SYNE2: variants seen among roughly 807,000 people sequenced by gnomAD.
SYNE2 encodes spectrin repeat containing nuclear envelope protein 2.
In SYNE2, 431 loss-of-function variants were observed where a neutral mutation model predicts 856.3. That is an observed-to-expected ratio of 0.50 (90% CI 0.47 to 0.55). The LOEUF (loss-of-function observed/expected upper bound fraction) is 0.55, where lower values mean the gene tolerates loss of function less well. SYNE2 is among the 20% of genes least tolerant of loss of function. SYNE2 has a pLI of 0.00. For synonymous variants in SYNE2, 2,923 were observed against 2,872.3 expected, an observed-to-expected ratio of 1.02 and a Z score of -0.56; for missense variants, 8,129 against 8,023.2, an observed-to-expected ratio of 1.01 and a Z score of -0.50.
Position 64,164,868 on chromosome 14 carries a change from G to GT in SYNE2, c.16480-408dup, listed in dbSNP as rs939471979. On this transcript the variant is annotated intron_variant, in intron 89 of 115. Transcript: ENST00000555002. ...TTGAATTTACTTTTTTTTATTTTTT[G>GT]TTTTTTTTTGTTTGTTTGTTTGTTT... is the stretch of plus-strand genomic sequence containing the variant. Among the ~76,000 whole-genome samples the GT allele has an allele frequency of 4.9e-4, 73 of 150,414 alleles. No individual in the cohort carries two copies. The Middle Eastern group carries it at 0.01, about 21-fold the overall frequency.
chr14:64,194,806 G>T (rs2098533724), intron 99 of SYNE2, among the ~76,000 whole-genome samples: 1 of 152,180 alleles, frequency 6.6e-6, no homozygotes, highest in South Asian at 2.1e-4. Flanking sequence ...AGCCAGCACG[G>T]GCCAAAGCTC....
chr14:64,116,000 T>A lies in SYNE2; in HGVS notation c.12840+2429T>A, dbSNP rs575284379. ...TACACCTTGTCTCTACAAAATAATT[T>A]AAAAAAAAATTAAAAAATAAACTAG... is the stretch of plus-strand genomic sequence containing the variant. On this transcript the variant is annotated intron_variant, in intron 66 of 115. Transcript: ENST00000555002. Among the ~76,000 whole-genome samples, 7 of 151,578 alleles carry A rather than the reference T, an allele frequency of 4.6e-5. No individual in the cohort carries two copies. In the South Asian group the frequency reaches 8.4e-4, roughly 18 times the overall value.
At chr14:64,145,250 A>G (rs1181829336) in intron 83 of SYNE2, among the ~76,000 whole-genome samples, 1 of 151,574 alleles carries the variant, frequency 6.6e-6, no homozygotes, top group African/African-American at 2.4e-5. Flanking sequence ...AAATTATGTC[A>G]TGACAGGCTG....
intron 1 of SYNE2, among the ~76,000 whole-genome samples, chr14:63,882,453 C>T (rs566400682): frequency 1.3e-5 from 2 of 152,010 alleles, no homozygotes; most frequent in South Asian, 2.1e-4. Flanking sequence ...CGGTGGCTCA[C>T]ACCAGTAATC....
At chr14:63,941,520 T>A (rs925877691) in intron 3 of SYNE2, among the ~76,000 whole-genome samples, 175 bp from the exon 4 acceptor site, 1 of 152,214 alleles carries the variant, frequency 6.6e-6, no homozygotes, top group African/African-American at 2.4e-5. Flanking sequence ...TAAATTAAAT[T>A]CGCTACTTTT....
chr14:63,970,639 CTTTTCTTTTTTCTTTTTTT>C, intron 11 of SYNE2, among the ~76,000 whole-genome samples: 1 of 134,324 alleles, frequency 7.4e-6, no homozygotes, highest in South Asian at 2.4e-4. Context: ...TGTCTTTTTT[CTTTTCTTTTTTCTTTTTTT>C]TTTTTTTTTT....
At chr14:63,920,165 C>G (rs1476513560) in intron 2 of SYNE2, among the ~76,000 whole-genome samples, 2 of 151,876 alleles carry the variant, frequency 1.3e-5, no homozygotes, top group Admixed American at 1.3e-4. Flanking sequence ...ACATCCTCTT[C>G]TAAAATGTAT....
chr14:64,198,298 C>T (rs1459904780), intron 99 of SYNE2, among the ~76,000 whole-genome samples: 1 of 152,154 alleles, frequency 6.6e-6, no homozygotes, highest in Non-Finnish European at 1.5e-5. Flanking sequence ...TTCTCATTTC[C>T]AGATATTAAC....
intron 1 of SYNE2, among the ~76,000 whole-genome samples, chr14:63,881,283 G>C (rs2094858135): frequency 6.6e-6 from 1 of 152,030 alleles, no homozygotes; most frequent in Non-Finnish European, 1.5e-5. Flanking sequence ...CCAGCCAAAG[G>C]AAACTTTTAT....
intron 1 of SYNE2, among the ~76,000 whole-genome samples, chr14:63,888,426 T>C (rs780507797): frequency 6.6e-6 from 1 of 152,190 alleles, no homozygotes; most frequent in Non-Finnish European, 1.5e-5. Context: ...CTTGGTTATA[T>C]TCTAGCCTGG....
At chr14:63,852,791 C>G (rs1480139937), upstream of SYNE2, among the ~76,000 whole-genome samples, 1 of 152,110 alleles carries the variant, frequency 6.6e-6, no homozygotes, top group Non-Finnish European at 1.5e-5. Flanking sequence ...GCGAGGTGGT[C>G]TCTCCCTCAC....
chr14:64,076,155 G>T, intron 54 of SYNE2, 55 bp downstream of exon 54: 1 of 1,572,674 alleles, frequency 6.4e-7, no homozygotes, highest in Non-Finnish European at 8.7e-7. Flanking sequence ...TGACTATCAG[G>T]AGGAAAATAT....
intron 85 of SYNE2, among the ~76,000 whole-genome samples, chr14:64,155,847 G>C (rs2098281398): frequency 6.6e-6 from 1 of 152,244 alleles, no homozygotes; most frequent in Admixed American, 6.5e-5. Flanking sequence ...AGGATTACTT[G>C]AGCCCAGGGG....
chr14:64,184,820 TA>T (rs2098480449), intron 96 of SYNE2, among the ~76,000 whole-genome samples: 2 of 152,268 alleles, frequency 1.3e-5, no homozygotes, highest in Non-Finnish European at 2.9e-5. Flanking sequence ...ATGCAACCTT[TA>T]AAAAGAATTC....
intron 1 of SYNE2, among the ~76,000 whole-genome samples, chr14:63,770,532 G>A (rs1419603941): frequency 6.6e-6 from 1 of 152,168 alleles, no homozygotes; most frequent in Non-Finnish European, 1.5e-5. Context: ...GGGCACAGTG[G>A]CTTATGTCTG....
intron 1 of SYNE2, among the ~76,000 whole-genome samples, chr14:63,773,337 C>T (rs1457612537): frequency 6.6e-6 from 1 of 151,812 alleles, no homozygotes. Context: ...GTAGCTGGTA[C>T]CACGGGTGCA....
intron 2 of SYNE2, among the ~76,000 whole-genome samples, chr14:63,911,395 T>C (rs767334626): frequency 6.6e-5 from 10 of 152,202 alleles, no homozygotes; most frequent in African/African-American, 2.4e-4. Context: ...ATTATTATTA[T>C]ACATATCAAG....
At chr14:63,881,950 A>G (rs1237899705) in intron 1 of SYNE2, among the ~76,000 whole-genome samples, 1 of 152,226 alleles carries the variant, frequency 6.6e-6, no homozygotes, top group Non-Finnish European at 1.5e-5. Context: ...AGTGTTTGAA[A>G]GGAAGAGTTT....
chr14:63,983,216 C>T (rs1286648204), intron 17 of SYNE2, among the ~76,000 whole-genome samples: 3 of 152,034 alleles, frequency 2.0e-5, no homozygotes, highest in South Asian at 2.1e-4. Flanking sequence ...TTTGTTTATC[C>T]GTTCTCTAGT....
Sources: allele counts gnomAD v4.1 joint callset (sites outside exome capture counted in the v4.1 genomes callset), GRCh38; gene constraint gnomAD v4.1.1; transcripts MANE v1.5; gene names NCBI Gene and HGNC (gene_info 2026-07-23, HGNC 2026-07-21).